SLC22A9: variants seen among roughly 807,000 people sequenced by gnomAD.
SLC22A9 encodes solute carrier family 22 member 9.
In SLC22A9, 64 loss-of-function variants were observed where a neutral mutation model predicts 50.1. The observed-to-expected ratio is 1.28, with a 90% CI of 1.04 to 1.57. The LOEUF (loss-of-function observed/expected upper bound fraction) is 1.57. SLC22A9 is among the 40% of genes most tolerant of loss of function. The pLI, the probability that SLC22A9 is intolerant of heterozygous loss-of-function variation, is 0.00. For missense variants in SLC22A9, 757 were observed against 676.1 expected (o/e 1.12, Z -1.33); for synonymous variants, 261 against 242.5 (o/e 1.08, Z -0.71).
intron 6 of SLC22A9, among the ~76,000 whole-genome samples, chr11:63,388,573 T>G (rs560103467): frequency 6.6e-6 from 1 of 152,166 alleles, no homozygotes; most frequent in East Asian, 1.9e-4. Flanking sequence ...AATTCAGTTT[T>G]CTAGTATTTT....
chr11:63,396,398 T>G (rs765140562), intron 6 of SLC22A9, among the ~76,000 whole-genome samples: 2 of 152,208 alleles, frequency 1.3e-5, no homozygotes, highest in African/African-American at 4.8e-5. Flanking sequence ...TGTATTTCTC[T>G]TGGCTCTCTA....
In SLC22A9 at chr11:63,370,337, C is replaced by A. The variant is rs761061825; in HGVS notation, c.281C>A (p.Pro94His). The A allele has an allele frequency of 6.2e-7, 1 of 1,614,016 alleles. No homozygotes were observed. Among genetic ancestry groups the A allele is most frequent in the East Asian group, 2.2e-5 (1 of 44,880 alleles). The stretch of plus-strand genomic sequence containing the variant: ...GAGAAGTGTCGTCGCTTTGTTCATC[C>A]TCAGTGGCAGCTCCTTCACCTGAAT... ...RPEKCRRFVH[P>H]QWQLLHLNGT... is the part of the protein sequence containing the mutation. The change falls in exon 1 of 10, where the codon CCT becomes CAT. Residue 94 changes from proline (P) to histidine (H), a missense_variant. Coordinates refer to ENST00000279178, the MANE Select transcript of SLC22A9 (RefSeq NM_080866.3).
intron 6 of SLC22A9, 88 bp from the exon 7 acceptor site, chr11:63,406,409 C>G (rs2015037841): frequency 8.4e-7 from 1 of 1,188,794 alleles, no homozygotes; most frequent in East Asian, 2.4e-5. Context: ...TTTAACAATC[C>G]CTAGCTGCCT....
At chr11:63,381,417 C>T (rs2014557930) in intron 5 of SLC22A9, among the ~76,000 whole-genome samples, 1 of 152,114 alleles carries the variant, frequency 6.6e-6, no homozygotes, top group Admixed American at 6.6e-5. Flanking sequence ...CTTACCTGTC[C>T]CAGTTTTTTT....
In SLC22A9 at chr11:63,370,340, A is replaced by C; in HGVS notation, c.284A>C (p.Gln95Pro). ...PEKCRRFVHP[Q>P]WQLLHLNGTF... ...AAGTGTCGTCGCTTTGTTCATCCTC[A>C]GTGGCAGCTCCTTCACCTGAATGGG... The change falls in exon 1 of 10, where the codon CAG (glutamine) becomes CCG (proline). Residue 95 changes from glutamine to proline, a missense_variant. Coordinates refer to ENST00000279178, the MANE Select transcript of SLC22A9 (RefSeq NM_080866.3). 6.2e-7 allele frequency: 1 copy of C among 1,613,980 alleles called. No individual in the cohort carries two copies. The highest frequency in any genetic ancestry group is 8.5e-7 in the Non-Finnish European group (1 of 1,179,890).
rs756063179 is a variant in SLC22A9 at position 63,409,901 on chromosome 11, G to C, written c.*39G>C. 5.0e-6 allele frequency: 8 copies of C among 1,606,554 alleles called. No homozygotes were observed. In the East Asian group the frequency reaches 1.8e-4, roughly 36 times the overall value. On this transcript the variant is annotated 3_prime_UTR_variant, in exon 10 of 10. Transcript: ENST00000279178. ...CTGACTGCCGATCAATGAGCCAGAT[G>C]AAGGGAACAATCAGGACTATTCCTA... is the stretch of plus-strand genomic sequence containing the variant.
At position 63,406,489 on chromosome 11, in the gene SLC22A9, C is replaced by T. The variant is rs1253987599; in HGVS notation, c.1074-8C>T. 1 of 1,610,012 alleles carries T rather than the reference C, an allele frequency of 6.2e-7. No homozygotes were observed. ...ATAATATGTTTCTTTCCTTTTTAAT[C>T]ATCACAGATTTGCAAACTTTATGGC... On this transcript the variant is annotated splice_region_variant and splice_polypyrimidine_tract_variant and intron_variant, in intron 6 of 9. Transcript: ENST00000279178.
chr11:63,381,089 T>C (rs2014553398), intron 5 of SLC22A9, among the ~76,000 whole-genome samples: 1 of 152,106 alleles, frequency 6.6e-6, no homozygotes, highest in Non-Finnish European at 1.5e-5. Flanking sequence ...TTCATAAAGG[T>C]CTGGTCTTAG....
intron 6 of SLC22A9, among the ~76,000 whole-genome samples, chr11:63,388,898 C>T (rs190540100): frequency 1.5e-3 from 229 of 152,078 alleles, no homozygotes; most frequent in African/African-American, 4.6e-3. Flanking sequence ...ATGGTTCAAC[C>T]TTGGTATGCT....
intron 6 of SLC22A9, among the ~76,000 whole-genome samples, chr11:63,391,766 C>T (rs1218520054): frequency 1.3e-5 from 2 of 151,974 alleles, no homozygotes; most frequent in Non-Finnish European, 2.9e-5. Context: ...CAGGAACTCT[C>T]TGTCTTTTGA....
At chr11:63,399,491 A>G (rs1240521438) in intron 6 of SLC22A9, among the ~76,000 whole-genome samples, 2 of 152,222 alleles carry the variant, frequency 1.3e-5, no homozygotes, top group Non-Finnish European at 2.9e-5. Flanking sequence ...TCAAATCAGT[A>G]AGAAGATATA....
Position 63,371,267 on chromosome 11 carries a change from T to A in SLC22A9, c.506+29T>A, listed in dbSNP as rs564523. 1,781 of 1,496,164 alleles carry A rather than the reference T, an allele frequency of 1.2e-3. 23 individuals carry two copies. The African/African-American group carries it at 0.021, about 18-fold the overall frequency. 92.7% of individuals were successfully genotyped at this position (1,496,164 alleles called of 1,614,324 possible). A position where few individuals can be genotyped will look rare whatever the true frequency, so the allele number is the denominator to read the frequency against. Reference sequence around the variant, plus strand: ...AGTGTGTATGGAACACAGCTCTCTTTAAGGGCATTTTTTATCAACTTATGA... The same window carrying A: ...AGTGTGTATGGAACACAGCTCTCTTAAAGGGCATTTTTTATCAACTTATGA... On this transcript the variant is annotated intron_variant, in intron 2 of 9. Coordinates refer to ENST00000279178, the MANE Select transcript of SLC22A9 (RefSeq NM_080866.3).
intron 6 of SLC22A9, among the ~76,000 whole-genome samples, chr11:63,388,064 T>C (rs2014699923): frequency 6.6e-6 from 1 of 152,114 alleles, no homozygotes; most frequent in Admixed American, 6.6e-5. Flanking sequence ...CTAATAGCTT[T>C]GTGGTGGGGT....
intron 6 of SLC22A9, among the ~76,000 whole-genome samples, chr11:63,392,490 T>A (rs1026723852): frequency 2.6e-4 from 40 of 152,070 alleles, no homozygotes; most frequent in African/African-American, 9.2e-4. Flanking sequence ...CTGGATATAC[T>A]ACTCTGGGAT....
chr11:63,374,075 T>G lies in SLC22A9; in HGVS notation c.830+13T>G. On this transcript the variant is annotated intron_variant, in intron 4 of 9. Coordinates refer to ENST00000279178, the MANE Select transcript of SLC22A9 (RefSeq NM_080866.3). ...TTCTGACCTCAAGGTATGAGTTTGT[T>G]TCTTCTTTTGTCTTAATGAGATATT... 6.3e-7 allele frequency: 1 copy of G among 1,596,420 alleles called. No individual in the cohort carries two copies. The highest frequency in any genetic ancestry group is 1.3e-5 in the African/African-American group (1 of 74,252).
intron 2 of SLC22A9, among the ~76,000 whole-genome samples, chr11:63,372,741 ATTAAT>A (rs1330823263): frequency 3.9e-5 from 6 of 152,178 alleles, no homozygotes; most frequent in Non-Finnish European, 7.4e-5. Context: ...TGTACTTTTT[ATTAAT>A]TTATTTCTAA....
chr11:63,403,294 C>A lies in SLC22A9; in HGVS notation c.1074-3203C>A, dbSNP rs564706593. ...GGGGATGGCAGATTTCTGCAGAAAC[C>A]TTGTAGGCCAACAGAGAGTGGGATG... On this transcript the variant is annotated intron_variant, in intron 6 of 9. Coordinates refer to ENST00000279178, the MANE Select transcript of SLC22A9 (RefSeq NM_080866.3). Among the ~76,000 whole-genome samples, 7 of 152,082 alleles carry A rather than the reference C, an allele frequency of 4.6e-5. No homozygotes were observed. The South Asian group carries it at 1.2e-3, about 27-fold the overall frequency.
At chr11:63,372,822 T>G (rs1450254190) in intron 2 of SLC22A9, among the ~76,000 whole-genome samples, 2 of 152,182 alleles carry the variant, frequency 1.3e-5, no homozygotes, top group African/African-American at 4.8e-5. Flanking sequence ...AACTTTTTCA[T>G]AGTAAACTTA....
intron 5 of SLC22A9, among the ~76,000 whole-genome samples, chr11:63,380,450 C>A (rs557425442): frequency 3.3e-5 from 5 of 152,102 alleles, no homozygotes; most frequent in Non-Finnish European, 7.4e-5. Flanking sequence ...TGCCCATCAA[C>A]AGTGGACTGG....
Sources: gnomAD v4.1 joint callset for allele counts (sites outside exome capture counted in the v4.1 genomes callset) on GRCh38, gnomAD v4.1.1 for gene constraint, MANE v1.5 for transcripts, NCBI Gene and HGNC (gene_info 2026-07-23, HGNC 2026-07-21) for gene names.